The following TAF9 variants were observed in gnomAD, a reference collection of about 807,000 sequenced individuals.
TAF9 encodes the protein TATA-box binding protein associated factor 9.
A neutral mutation model predicts 16.5 loss-of-function variants in TAF9; 10 were observed. The ratio of observed to expected loss-of-function variants is 0.61; its 90% CI spans 0.37 to 1.03. The LOEUF (loss-of-function observed/expected upper bound fraction) is 1.03. Among genes scored for constraint, TAF9 ranks in the 50% least tolerant of loss-of-function variants. The probability of loss-of-function intolerance (pLI) is 0.01; values close to 1 mark genes in which losing one functional copy is unlikely to be tolerated. For synonymous variants in TAF9, 105 were observed against 120.5 expected, an observed-to-expected ratio of 0.87 and a Z score of 0.84; for missense variants, 288 against 319.1, an observed-to-expected ratio of 0.90 and a Z score of 0.74.
At chr5:69,369,692 G>C (rs1487402357), upstream of TAF9, 30 of 1,553,464 alleles carry the variant, frequency 1.9e-5, no homozygotes, top group Non-Finnish European at 2.5e-5. Context: ...CGCAAAGTTG[G>C]AGGGTGGGCA....
intron 2 of TAF9, 38 bp from the exon 3 acceptor site, chr5:69,365,792 A>G (rs1580320232): frequency 7.3e-7 from 1 of 1,374,166 alleles, no homozygotes; most frequent in East Asian, 2.4e-5. Context: ...CATTAGATCA[A>G]TCTGAAATAG....
Position 69,365,181 on chromosome 5 carries a change from C to T in TAF9, c.557G>A (p.Arg186Lys). Residue 186 changes from arginine to lysine, a missense_variant, in exon 3 of 3, where the codon AGG becomes AAG. Coordinates refer to ENST00000217893, the MANE Select transcript of TAF9 (RefSeq NM_003187.5). ...AGAAGTAGGCATCTGTACTGTAAAC[C>T]TTTGACCTGTGAGGGACATGGGAGT... ...VGTPMSLTGQ[R>K]FTVQMPTSQS... The T allele has an allele frequency of 6.2e-7, 1 of 1,614,182 alleles. No individual in the cohort carries two copies. Among genetic ancestry groups the T allele is most frequent in the Non-Finnish European group, 8.5e-7 (1 of 1,180,030 alleles).
Position 69,366,547 on chromosome 5 carries a change from T to G in TAF9, c.-62A>C. The stretch of plus-strand genomic sequence containing the variant: ...CACATTAATGTATTTCAGTCCTGAT[T>G]TTGACGCAAGTTCTTTGCCTAGTGT... On this transcript the variant is annotated 5_prime_UTR_variant, in exon 2 of 3. Coordinates refer to ENST00000217893, the MANE Select transcript of TAF9 (RefSeq NM_003187.5). 1 of 1,614,114 alleles carries G rather than the reference T, an allele frequency of 6.2e-7. No individual in the cohort carries two copies. Among genetic ancestry groups the G allele is most frequent in the Non-Finnish European group, 8.5e-7 (1 of 1,180,022 alleles).
intron 1 of TAF9, 67 bp downstream of exon 1, chr5:69,369,391 GCGCCC>G: frequency 6.4e-7 from 1 of 1,554,140 alleles, no homozygotes; most frequent in East Asian, 2.4e-5. Flanking sequence ...CCCCACCTGG[GCGCCC>G]GATGCCCAGA....
chr5:69,369,799 G>C (rs566173780), upstream of TAF9: 1,169 of 1,298,318 alleles, frequency 9.0e-4, 7 homozygotes, highest in Non-Finnish European at 2.9e-4. Context: ...CGACCAGTCT[G>C]GAAGGTCCCC....
Position 69,365,297 on chromosome 5 carries a change from C to G in TAF9, c.441G>C (p.Arg147=), listed in dbSNP as rs576827210. The part of the protein sequence containing the change: ...STSAGRITVP[R]LSVGSVTSRP... ...TGCTAGTAACTGAACCAACACTTAA[C>G]CGCGGGACTGTTATTCTTCCCGCAG... is the stretch of plus-strand genomic sequence containing the variant. Residue 147 remains arginine, a synonymous_variant, in exon 3 of 3, where the codon CGG becomes CGC. Coordinates refer to ENST00000217893, the MANE Select transcript of TAF9 (RefSeq NM_003187.5). The G allele has an allele frequency of 4.3e-6, 7 of 1,614,082 alleles. No homozygotes were observed. Among genetic ancestry groups the G allele is most frequent in the Admixed American group, 3.3e-5 (2 of 59,998 alleles).
chr5:69,369,254 A>C, intron 1 of TAF9: 2 of 37,384 alleles, frequency 5.3e-5, no homozygotes, highest in Non-Finnish European at 4.4e-5. Flanking sequence ...CCGGAGCCTC[A>C]GGCCAACGGA....
Position 69,365,410 on chromosome 5 carries a change from A to G in TAF9, c.328T>C (p.Tyr110His). 1 of 1,614,226 alleles carries G rather than the reference A, an allele frequency of 6.2e-7. No homozygotes were observed. The highest frequency in any genetic ancestry group is 8.5e-7 in the Non-Finnish European group (1 of 1,180,042). The change falls in exon 3 of 3, where the codon TAT becomes CAT. Residue 110 changes from tyrosine (Y) to histidine (H), a missense_variant. Tyr to His is a moderately conservative substitution (Grantham distance 83). Coordinates refer to ENST00000217893, the MANE Select transcript of TAF9 (RefSeq NM_003187.5). The part of the protein sequence containing the change: ...NQTPLPLIKP[Y>H]SGPRLPPDRY... ...TCAGGTGGCAACCTAGGACCTGAAT[A>G]TGGCTTGATCAATGGCAAAGGGGTT...
At chr5:69,369,521 G>A (rs773812621), upstream of TAF9, 12 of 1,610,964 alleles carry the variant, frequency 7.4e-6, no homozygotes, top group South Asian at 2.2e-5. Flanking sequence ...CGGGCGCCTC[G>A]CTCACGTGCC....
At chr5:69,367,127 C>A (rs780689991) in intron 1 of TAF9, among the ~76,000 whole-genome samples, 1 of 152,100 alleles carries the variant, frequency 6.6e-6, no homozygotes, top group Non-Finnish European at 1.5e-5. Flanking sequence ...CAGAATATTA[C>A]CCAGTGTATT....
upstream of TAF9, chr5:69,369,585 C>T: frequency 6.3e-7 from 1 of 1,599,702 alleles, no homozygotes; most frequent in Non-Finnish European, 8.5e-7. Context: ...AAGCCCACGG[C>T]CCCAAAGGCC....
chr5:69,365,275 T>C lies in TAF9; in HGVS notation c.463A>G (p.Ser155Gly). The C allele has an allele frequency of 6.2e-7, 1 of 1,614,210 alleles. No homozygotes were observed. Among genetic ancestry groups the C allele is most frequent in the Non-Finnish European group, 8.5e-7 (1 of 1,180,030 alleles). ...CCTAGTGTGGGAGTACTTGGTCTGC[T>C]AGTAACTGAACCAACACTTAACCGC... ...VPRLSVGSVTSRPSTPTLGTP... is the reference protein window; with the variant it reads ...VPRLSVGSVTGRPSTPTLGTP... Residue 155 changes from serine (S) to glycine (G), a missense_variant, in exon 3 of 3, where the codon AGC becomes GGC. By Grantham distance (56) the Ser-to-Gly change is moderately conservative (BLOSUM62 0). Transcript: ENST00000217893.
At position 69,364,966 on chromosome 5, in the gene TAF9, C is replaced by A. The variant is rs1762353101; in HGVS notation, c.772G>T (p.Asp258Tyr). 6.2e-7 allele frequency: 1 copy of A among 1,612,290 alleles called. No homozygotes were observed. The change falls in exon 3 of 3, where the codon GAT (aspartate) becomes TAT (tyrosine). Residue 258 changes from aspartate (D) to tyrosine (Y), a missense_variant. By Grantham distance (160) the Asp-to-Tyr change is radical. Coordinates refer to ENST00000217893, the MANE Select transcript of TAF9 (RefSeq NM_003187.5). ...GATTACAGATTATCATAGTCATCAT[C>A]ATCATCATCGTCATCATCATCATCT... ...REDDDDDDDD[D>Y]DDYDNL
intron 1 of TAF9, chr5:69,366,946 A>G: frequency 4.7e-6 from 1 of 213,626 alleles, no homozygotes; most frequent in Non-Finnish European, 9.7e-6. Flanking sequence ...TTCAGTAGAG[A>G]CCGGGTTTCA....
rs538822923 is a variant in TAF9, at chr5:69,369,234, C to A, written c.-111+229G>T. 273 of 71,062 alleles carry A rather than the reference C, an allele frequency of 3.8e-3. 22 individuals carry two copies. The highest frequency in any genetic ancestry group is 8.8e-3 in the Non-Finnish European group (231 of 26,174). The allele number at this position is 71,062 out of a possible 1,614,324, so 4.4% of individuals were successfully genotyped here. ...TCTGCCGACCTCTCTCCACCCCCCC[C>A]CGCCCCCCCCCGGAGCCTCAGGCCA... On this transcript the variant is annotated intron_variant, in intron 1 of 2. Transcript: ENST00000217893.
chr5:69,366,537 C>G lies in TAF9; in HGVS notation c.-52G>C. On this transcript the variant is annotated 5_prime_UTR_variant, in exon 2 of 3. Coordinates refer to ENST00000217893, the MANE Select transcript of TAF9 (RefSeq NM_003187.5). ...CTAAATCACCCACATTAATGTATTT[C>G]AGTCCTGATTTTGACGCAAGTTCTT... 6.2e-7 allele frequency: 1 copy of G among 1,614,000 alleles called. No homozygotes were observed. Among genetic ancestry groups the G allele is most frequent in the Non-Finnish European group, 8.5e-7 (1 of 1,180,010 alleles).
At chr5:69,366,650 C>A in intron 1 of TAF9, 55 bp from the exon 2 acceptor site, 1 of 1,241,586 alleles carries the variant, frequency 8.1e-7, no homozygotes, top group Non-Finnish European at 1.2e-6. Flanking sequence ...TATCACACTG[C>A]GGTCCACCTT....
intron 1 of TAF9, chr5:69,367,828 G>A (rs927883508): frequency 9.2e-5 from 14 of 152,162 alleles, no homozygotes; most frequent in African/African-American, 3.1e-4. Context: ...TTACAGGCAT[G>A]AGCCACCCAC....
At chr5:69,365,925 T>C (rs566332198) in intron 2 of TAF9, among the ~76,000 whole-genome samples, 171 bp from the exon 3 acceptor site, 2 of 152,350 alleles carry the variant, frequency 1.3e-5, no homozygotes, top group East Asian at 3.9e-4. Flanking sequence ...AAGGTCGCTT[T>C]AATTTATTGA....
Sources: gnomAD v4.1 joint callset for allele counts (sites outside exome capture counted in the v4.1 genomes callset) on GRCh38, gnomAD v4.1.1 for gene constraint, MANE v1.5 for transcripts, NCBI Gene and HGNC (gene_info 2026-07-23, HGNC 2026-07-21) for gene names.